The following PTPRD variants were observed in gnomAD, a reference collection of about 807,000 sequenced individuals.
The protein encoded by PTPRD is receptor-type tyrosine-protein phosphatase delta.
Under a neutral mutation model 214.5 loss-of-function variants are expected in PTPRD, and 34 were observed. The ratio of observed to expected loss-of-function variants is 0.16; its 90% CI spans 0.12 to 0.21. The LOEUF (loss-of-function observed/expected upper bound fraction) is 0.21, where lower values mean the gene tolerates loss of function less well. Ranked by LOEUF, PTPRD falls within the 10% of genes least tolerant of loss-of-function variation. PTPRD has a pLI of 1.00. For synonymous variants in PTPRD, 1,128 were observed against 845.7 expected (o/e 1.33, Z -5.79); for missense variants, 2,545 against 2,398.7 (o/e 1.06, Z -1.27).
intron 33 of PTPRD, among the ~76,000 whole-genome samples, chr9:8,458,615 C>A (rs570375537): frequency 6.6e-6 from 1 of 152,166 alleles, no homozygotes; most frequent in South Asian, 2.1e-4. Flanking sequence ...GAAAAAAGTG[C>A]AGCGTACAGA....
chr9:10,488,173 C>T (rs1304992455), intron 2 of PTPRD, among the ~76,000 whole-genome samples: 1 of 151,854 alleles, frequency 6.6e-6, no homozygotes, highest in African/African-American at 2.4e-5. Flanking sequence ...CGAGACCATC[C>T]TGGCTAACAC....
chr9:8,475,709 T>C (rs934707527), intron 30 of PTPRD, among the ~76,000 whole-genome samples: 1 of 152,184 alleles, frequency 6.6e-6, no homozygotes, highest in Non-Finnish European at 1.5e-5. Flanking sequence ...CTAGGTGTTA[T>C]CATTGACAAT....
intron 11 of PTPRD, among the ~76,000 whole-genome samples, chr9:8,798,928 C>G (rs1022200377): frequency 1.3e-5 from 2 of 152,096 alleles, no homozygotes; most frequent in Non-Finnish European, 2.9e-5. Flanking sequence ...CAGAGCCTAG[C>G]TTTCACATGT....
intron 3 of PTPRD, among the ~76,000 whole-genome samples, chr9:10,121,462 G>A (rs1276478567): frequency 6.6e-6 from 1 of 152,134 alleles, no homozygotes; most frequent in African/African-American, 2.4e-5. Context: ...AGCCAGATTG[G>A]GCTGTAGATT....
At chr9:9,573,080 A>G (rs1020846944) in intron 8 of PTPRD, among the ~76,000 whole-genome samples, 1 of 151,718 alleles carries the variant, frequency 6.6e-6, no homozygotes, top group Admixed American at 6.6e-5. Context: ...TGATAAAGCC[A>G]AAGTCTGGAA....
chr9:10,048,375 T>C (rs914785245), intron 3 of PTPRD, among the ~76,000 whole-genome samples: 3 of 152,170 alleles, frequency 2.0e-5, no homozygotes, highest in Non-Finnish European at 4.4e-5. Flanking sequence ...TTTATACCCA[T>C]GATTTCATGG....
intron 9 of PTPRD, among the ~76,000 whole-genome samples, chr9:9,290,741 A>C (rs1950892456): frequency 1.3e-5 from 2 of 151,570 alleles, no homozygotes; most frequent in Admixed American, 1.3e-4. Flanking sequence ...ATGAAAGTTA[A>C]CATGTGGAAA....
At chr9:10,068,477 C>A (rs1211673357) in intron 3 of PTPRD, among the ~76,000 whole-genome samples, 1 of 151,892 alleles carries the variant, frequency 6.6e-6, no homozygotes, top group Non-Finnish European at 1.5e-5. Flanking sequence ...ACATTCCATG[C>A]CCTTTCACAC....
intron 5 of PTPRD, among the ~76,000 whole-genome samples, chr9:9,905,224 A>G (rs969137182): frequency 6.6e-6 from 1 of 151,892 alleles, no homozygotes; most frequent in Non-Finnish European, 1.5e-5. Context: ...TATCTTCTGT[A>G]GCTCCTCATT....
chr9:10,153,710 G>C (rs1018093459), intron 3 of PTPRD, among the ~76,000 whole-genome samples: 1 of 152,018 alleles, frequency 6.6e-6, no homozygotes. Flanking sequence ...CCTCTGGGAG[G>C]TAACAGTGTC....
At chr9:9,304,110 C>A (rs1422884313) in intron 9 of PTPRD, among the ~76,000 whole-genome samples, 1 of 152,068 alleles carries the variant, frequency 6.6e-6, no homozygotes, top group Non-Finnish European at 1.5e-5. Context: ...TTATTAATAT[C>A]TCCCATTTTC....
intron 8 of PTPRD, among the ~76,000 whole-genome samples, chr9:9,472,384 T>C (rs1455678202): frequency 2.6e-5 from 4 of 151,860 alleles, no homozygotes; most frequent in South Asian, 4.2e-4. Context: ...TTTGTATTTT[T>C]AGTAGAGACG....
At chr9:9,224,832 T>C (rs546956519) in intron 9 of PTPRD, among the ~76,000 whole-genome samples, 6 of 152,082 alleles carry the variant, frequency 3.9e-5, no homozygotes, top group African/African-American at 1.4e-4. Context: ...TTAATCATCT[T>C]TCACAATAAA....
At chr9:9,979,592 C>T (rs1384988616) in intron 4 of PTPRD, among the ~76,000 whole-genome samples, 1 of 151,994 alleles carries the variant, frequency 6.6e-6, no homozygotes, top group African/African-American at 2.4e-5. Flanking sequence ...GAACAATGAT[C>T]TCAATTGGAA....
intron 3 of PTPRD, among the ~76,000 whole-genome samples, chr9:10,138,362 C>A (rs2098957396): frequency 6.6e-6 from 1 of 151,892 alleles, no homozygotes; most frequent in Non-Finnish European, 1.5e-5. Flanking sequence ...CCTAACAGAC[C>A]AATAACGAGT....
At chr9:10,380,374 T>C (rs1195542100) in intron 2 of PTPRD, among the ~76,000 whole-genome samples, 1 of 152,060 alleles carries the variant, frequency 6.6e-6, no homozygotes, top group African/African-American at 2.4e-5. Flanking sequence ...GAATAAAATA[T>C]GAGAGTAAGA....
At chr9:10,136,378 T>C (rs563541642) in intron 3 of PTPRD, among the ~76,000 whole-genome samples, 3 of 152,072 alleles carry the variant, frequency 2.0e-5, no homozygotes, top group Non-Finnish European at 4.4e-5. Flanking sequence ...CTTGACGAAT[T>C]GTTCCTAATA....
chr9:10,266,792 G>C (rs1427401820), intron 3 of PTPRD, among the ~76,000 whole-genome samples: 2 of 152,094 alleles, frequency 1.3e-5, no homozygotes, highest in East Asian at 3.9e-4. Flanking sequence ...AACCCACCTA[G>C]GTTAAAAAAT....
chr9:10,134,260 G>C (rs1167295024), intron 3 of PTPRD, among the ~76,000 whole-genome samples: 1 of 152,106 alleles, frequency 6.6e-6, no homozygotes, highest in East Asian at 1.9e-4. Flanking sequence ...TTTGGCTCTG[G>C]CTGCCCCCAA....
Sources: gnomAD v4.1 joint callset for allele counts (sites outside exome capture counted in the v4.1 genomes callset) on GRCh38, gnomAD v4.1.1 for gene constraint, MANE v1.5 for transcripts, NCBI Gene and HGNC (gene_info 2026-07-23, HGNC 2026-07-21) for gene names.